MPPED2: variants seen among roughly 807,000 people sequenced by gnomAD.
The protein encoded by MPPED2 is metallophosphoesterase domain containing 2.
Under a neutral mutation model 33.0 loss-of-function variants are expected in MPPED2, and 5 were observed. The observed-to-expected ratio is 0.15, with a 90% CI of 0.08 to 0.32. The LOEUF (loss-of-function observed/expected upper bound fraction) is 0.32, where lower values mean the gene tolerates loss of function less well. Ranked by LOEUF, MPPED2 falls within the 10% of genes least tolerant of loss-of-function variation. The pLI, the probability that MPPED2 is intolerant of heterozygous loss-of-function variation, is 1.00. For synonymous variants in MPPED2, 136 were observed against 141.9 expected (o/e 0.96, Z 0.29); for missense variants, 275 against 372.1 (o/e 0.74, Z 2.15).
intron 2 of MPPED2, among the ~76,000 whole-genome samples, chr11:30,541,643 A>G (rs2134534791): frequency 6.6e-6 from 1 of 152,268 alleles, no homozygotes; most frequent in East Asian, 1.9e-4. Context: ...TCTAAACTCA[A>G]GTACAGTGGC....
At chr11:30,540,528 T>C (rs1373461308) in intron 2 of MPPED2, among the ~76,000 whole-genome samples, 23 of 152,204 alleles carry the variant, frequency 1.5e-4, no homozygotes, top group Non-Finnish European at 1.5e-5. Flanking sequence ...TAGTATTTTT[T>C]TTTTACTAGT....
intron 4 of MPPED2, among the ~76,000 whole-genome samples, chr11:30,442,952 C>T (rs1423832053): frequency 1.3e-5 from 2 of 152,078 alleles, no homozygotes; most frequent in East Asian, 1.9e-4. Flanking sequence ...ATGATCACAC[C>T]ACTGCACGCC....
chr11:30,388,941 A>G, exon 7 of MPPED2: 2 of 1,564,654 alleles, frequency 1.3e-6, no homozygotes, highest in East Asian at 2.3e-5. Context: ...TGCCTTGGAG[A>G]TGCTCACAGG....
intron 2 of MPPED2, among the ~76,000 whole-genome samples, chr11:30,573,839 T>G (rs1408011953): frequency 6.6e-6 from 1 of 152,012 alleles, no homozygotes; most frequent in Non-Finnish European, 1.5e-5. Context: ...GTCTTAATTT[T>G]TAACAAAAAG....
chr11:30,464,721 C>G (rs1950638799), intron 4 of MPPED2, among the ~76,000 whole-genome samples: 1 of 152,136 alleles, frequency 6.6e-6, no homozygotes, highest in African/African-American at 2.4e-5. Context: ...TGTTTTATCT[C>G]TAATCAATTC....
At chr11:30,473,572 C>T (rs188219539) in intron 4 of MPPED2, among the ~76,000 whole-genome samples, 1 of 152,222 alleles carries the variant, frequency 6.6e-6, no homozygotes, top group East Asian at 1.9e-4. Flanking sequence ...GTCTGGTATT[C>T]ATGCCCATAT....
At chr11:30,478,765 T>A (rs939053888) in intron 4 of MPPED2, among the ~76,000 whole-genome samples, 2 of 152,108 alleles carry the variant, frequency 1.3e-5, no homozygotes, top group African/African-American at 4.8e-5. Context: ...TATGAACCAT[T>A]CAAATTTAGG....
At chr11:30,466,243 TA>T (rs1321572613) in intron 4 of MPPED2, among the ~76,000 whole-genome samples, 1 of 152,256 alleles carries the variant, frequency 6.6e-6, no homozygotes, top group Non-Finnish European at 1.5e-5. Flanking sequence ...TGAAACTTAA[TA>T]GACTTATCTT....
chr11:30,446,812 C>T (rs551192753), intron 4 of MPPED2, among the ~76,000 whole-genome samples: 12 of 152,296 alleles, frequency 7.9e-5, no homozygotes, highest in Non-Finnish European at 1.3e-4. Context: ...GAGCCCCCCC[C>T]GACGCCAAGT....
chr11:30,433,623 C>T lies in MPPED2; in HGVS notation c.537-15990G>A, dbSNP rs544379092. On this transcript the variant is annotated intron_variant, in intron 4 of 6. Transcript: ENST00000358117. ...CATTATCCAAAGGGCAGGTCCACCCCGTCACTGCTTTCTTTTCTCACATTG... is the reference window on the plus strand; with the variant it reads ...CATTATCCAAAGGGCAGGTCCACCCTGTCACTGCTTTCTTTTCTCACATTG... Among the ~76,000 whole-genome samples, 7 of 152,296 alleles carry T rather than the reference C, an allele frequency of 4.6e-5. No individual in the cohort carries two copies. The South Asian group carries it at 6.2e-4, about 14-fold the overall frequency.
chr11:30,562,916 C>T (rs1038206527), intron 2 of MPPED2, among the ~76,000 whole-genome samples: 18 of 152,106 alleles, frequency 1.2e-4, no homozygotes, highest in African/African-American at 3.6e-4. Flanking sequence ...AGGCAAGACA[C>T]GCTAGCAGAC....
intron 4 of MPPED2, among the ~76,000 whole-genome samples, chr11:30,446,160 A>G (rs1213218275): frequency 2.0e-5 from 3 of 152,240 alleles, no homozygotes; most frequent in Non-Finnish European, 4.4e-5. Context: ...AGGCAAAGTC[A>G]AAGGCTATGA....
At chr11:30,520,724 G>T (rs1294382072) in intron 3 of MPPED2, among the ~76,000 whole-genome samples, 1 of 152,046 alleles carries the variant, frequency 6.6e-6, no homozygotes, top group Non-Finnish European at 1.5e-5. Context: ...AATTTCCTTA[G>T]TCAAAATGTC....
chr11:30,459,800 T>G (rs75483293), intron 4 of MPPED2, among the ~76,000 whole-genome samples: 44 of 152,346 alleles, frequency 2.9e-4, no homozygotes, highest in African/African-American at 1.0e-3. Flanking sequence ...TTCTTTCTCT[T>G]TGGAAATCCT....
chr11:30,554,018 G>T (rs1024476454), intron 2 of MPPED2, among the ~76,000 whole-genome samples: 1 of 152,094 alleles, frequency 6.6e-6, no homozygotes, highest in Admixed American at 6.5e-5. Flanking sequence ...CAAGAACTGA[G>T]AACAAAAAGT....
At chr11:30,484,437 C>T (rs913022812) in intron 4 of MPPED2, among the ~76,000 whole-genome samples, 1 of 152,090 alleles carries the variant, frequency 6.6e-6, no homozygotes, top group Admixed American at 6.6e-5. Flanking sequence ...ATATCCTCTC[C>T]TGAATTAATG....
intron 3 of MPPED2, among the ~76,000 whole-genome samples, chr11:30,497,735 T>A (rs996410894): frequency 1.3e-5 from 2 of 151,094 alleles, no homozygotes; most frequent in Admixed American, 1.3e-4. Context: ...TTAGTAAAAC[T>A]GCTGCAAAGT....
chr11:30,582,560 A>G (rs1218928420), intron 1 of MPPED2, among the ~76,000 whole-genome samples: 1 of 152,232 alleles, frequency 6.6e-6, no homozygotes, highest in Non-Finnish European at 1.5e-5. Context: ...TCTGGAGTAA[A>G]CACACTAATT....
At chr11:30,564,876 G>A (rs930690946) in intron 2 of MPPED2, among the ~76,000 whole-genome samples, 1 of 152,154 alleles carries the variant, frequency 6.6e-6, no homozygotes, top group Admixed American at 6.6e-5. Flanking sequence ...GACTCCATGT[G>A]TGAGCAAACA....
Sources: gnomAD v4.1 joint callset for allele counts (sites outside exome capture counted in the v4.1 genomes callset) on GRCh38, gnomAD v4.1.1 for gene constraint, MANE v1.5 for transcripts, NCBI Gene and HGNC (gene_info 2026-07-23, HGNC 2026-07-21) for gene names.